The following ASIC5 variants were observed in gnomAD, a reference collection of about 807,000 sequenced individuals.
The protein encoded by ASIC5 is acid sensing ion channel subunit family member 5.
ASIC5 carries 52 observed loss-of-function variants against 51.2 expected under a neutral mutation model. The ratio of observed to expected loss-of-function variants is 1.02; its 90% CI spans 0.81 to 1.28. The LOEUF (loss-of-function observed/expected upper bound fraction) is 1.28. ASIC5 is among the 50% of genes most tolerant of loss of function. The pLI is 0.00. For missense variants in ASIC5, 635 were observed against 595.0 expected (o/e 1.07, Z -0.70); for synonymous variants, 231 against 200.7 (o/e 1.15, Z -1.28).
In ASIC5 at chr4:155,852,304, C is replaced by T. The variant is rs760718290; in HGVS notation, c.598G>A (p.Val200Ile). The T allele has an allele frequency of 6.3e-7, 1 of 1,588,258 alleles. No individual in the cohort carries two copies. The highest frequency in any genetic ancestry group is 1.2e-5 in the South Asian group (1 of 86,662). Residue 200 changes from valine (V) to isoleucine (I), a missense_variant, in exon 4 of 10, where the codon GTC becomes ATC. Physicochemically the swap from Val to Ile is conservative, Grantham distance 29 (BLOSUM62 3). Coordinates refer to ENST00000537611, the MANE Select transcript of ASIC5 (RefSeq NM_017419.3). ...KPCSPKDFAH[V>I]FTEYGNCFTF... is the part of the protein sequence containing the mutation. Reference sequence around the variant, plus strand: ...AAACAATTTCCATATTCAGTGAAGACATGTGCAAAATCCTCCAATATGTAA... The same window carrying T: ...AAACAATTTCCATATTCAGTGAAGATATGTGCAAAATCCTCCAATATGTAA...
intron 4 of ASIC5, among the ~76,000 whole-genome samples, chr4:155,846,605 A>T (rs1404732192): frequency 6.6e-6 from 1 of 152,098 alleles, no homozygotes; most frequent in Non-Finnish European, 1.5e-5. Context: ...GATGGAGTCA[A>T]TTAGGTCGTA....
intron 2 of ASIC5, among the ~76,000 whole-genome samples, chr4:155,858,097 C>T (rs1429865875): frequency 6.6e-6 from 1 of 151,966 alleles, no homozygotes; most frequent in Non-Finnish European, 1.5e-5. Context: ...GAAGTTTTTA[C>T]CAAATGAATA....
At chr4:155,844,554 A>G (rs10020343) in intron 4 of ASIC5, among the ~76,000 whole-genome samples, 10,932 of 151,772 alleles carry the variant, frequency 0.072, 1,025 homozygotes, top group African/African-American at 0.22. Flanking sequence ...AAATCATATA[A>G]TTTGTGTGAT....
chr4:155,842,347 T>G lies in ASIC5; in HGVS notation c.869A>C (p.His290Pro), dbSNP rs764348626. 1.2e-6 allele frequency: 2 copies of G among 1,612,198 alleles called. No homozygotes were observed. Among genetic ancestry groups the G allele is most frequent in the African/African-American group, 2.7e-5 (2 of 74,882 alleles). Residue 290 changes from histidine to proline, a missense_variant, in exon 6 of 10, where the codon CAT (histidine) becomes CCT (proline). Coordinates refer to ENST00000537611, the MANE Select transcript of ASIC5 (RefSeq NM_017419.3). ...GCATTCTCCCCAAGGGTATTCTTGA[T>G]GAACTGTCTTAAGATAAGATAAATA... ...RVTIRQVKTV[H>P]QEYPWGECNP... is the part of the protein sequence containing the mutation.
intron 5 of ASIC5, 149 bp from the exon 6 acceptor site, chr4:155,842,503 C>G: frequency 1.6e-6 from 1 of 627,788 alleles, no homozygotes; most frequent in South Asian, 2.5e-5. Context: ...ATTTTGCCTA[C>G]TCTATTGACC....
intron 2 of ASIC5, 55 bp from the exon 3 acceptor site, chr4:155,854,369 G>GATAATTAT: frequency 2.6e-6 from 3 of 1,150,264 alleles, no homozygotes; most frequent in Non-Finnish European, 3.9e-6. Flanking sequence ...TAATTATCTG[G>GATAATTAT]AAGACAGATA....
chr4:155,838,999 T>A (rs1741056960), intron 6 of ASIC5, 130 bp from the exon 7 acceptor site: 2 of 580,942 alleles, frequency 3.4e-6, no homozygotes, highest in South Asian at 2.4e-5. Context: ...TATATGAACA[T>A]CTATTCTTTC....
intron 2 of ASIC5, 86 bp from the exon 3 acceptor site, chr4:155,854,400 G>A: frequency 2.1e-6 from 2 of 973,206 alleles, no homozygotes; most frequent in Non-Finnish European, 3.1e-6. Flanking sequence ...GATTCTATTA[G>A]CTTCTTCTTA....
chr4:155,836,820 T>C lies in ASIC5; in HGVS notation c.1104A>G (p.Thr368=), dbSNP rs1740992886. The C allele has an allele frequency of 7.5e-6, 12 of 1,609,874 alleles. No individual in the cohort carries two copies. Among genetic ancestry groups the C allele is most frequent in the Non-Finnish European group, 1.0e-5 (12 of 1,176,676 alleles). Residue 368 remains threonine (T), a synonymous_variant, in exon 8 of 10, where the codon ACA becomes ACG. Coordinates refer to ENST00000537611, the MANE Select transcript of ASIC5 (RefSeq NM_017419.3). ...AAGAAACGGGGCAGCTAGAGTTATG[T>C]GTTCCTACTGTACATAAATCCTTAA... The part of the protein sequence containing the change: ...IEFKDLCTVG[T]HNSSCPVSCE...
chr4:155,832,463 T>C (rs1740890446), intron 8 of ASIC5, among the ~76,000 whole-genome samples: 1 of 152,202 alleles, frequency 6.6e-6, no homozygotes, highest in Non-Finnish European at 1.5e-5. Flanking sequence ...CTCTGTTTTC[T>C]TAATGTCTGT....
At chr4:155,849,921 C>CT (rs1450134735) in intron 4 of ASIC5, among the ~76,000 whole-genome samples, 7 of 151,740 alleles carry the variant, frequency 4.6e-5, no homozygotes, top group South Asian at 4.2e-4. Context: ...CAGTATTGTT[C>CT]TTTTTTTTGC....
intron 6 of ASIC5, 110 bp from the exon 7 acceptor site, chr4:155,838,979 C>T (rs1350733697): frequency 3.2e-6 from 2 of 615,678 alleles, no homozygotes; most frequent in African/African-American, 3.8e-5. Flanking sequence ...CATCCACCCA[C>T]CCATTCTTCT....
chr4:155,842,078 G>T, intron 6 of ASIC5, 129 bp downstream of exon 6: 1 of 884,722 alleles, frequency 1.1e-6, no homozygotes, highest in Non-Finnish European at 1.7e-6. Flanking sequence ...AGCAACATCT[G>T]TAATTACACT....
At position 155,864,312 on chromosome 4, in the gene ASIC5, T is replaced by C. The variant is rs186124929; in HGVS notation, c.41-558A>G. Among the ~76,000 whole-genome samples the C allele has an allele frequency of 2.0e-5, 3 of 152,192 alleles. No individual in the cohort carries two copies. In the East Asian group the frequency reaches 5.8e-4, roughly 29 times the overall value. On this transcript the variant is annotated intron_variant, in intron 1 of 9. Transcript: ENST00000537611. ...TTTAGTCAGAATGTTCAGTGTTCAGTTGTAGTATTAGTTAAGTAATCTATT... is the reference window on the plus strand; with the variant it reads ...TTTAGTCAGAATGTTCAGTGTTCAGCTGTAGTATTAGTTAAGTAATCTATT...
rs577085843 is a variant in ASIC5 at position 155,836,700 on chromosome 4, C to G, written c.1224G>C (p.Arg408=). ...KYLSKKLNQS[R]KYIRENLVKI... ...GCTAGTAAGGTTACCTGATGTATTT[C>G]CGGCTTTGATTCAACTTCTTGGAAA... Residue 408 remains arginine, a synonymous_variant, in exon 8 of 10, where the codon CGG becomes CGC. Transcript: ENST00000537611. The G allele has an allele frequency of 2.7e-5, 43 of 1,606,486 alleles. No individual in the cohort carries two copies. The East Asian group carries it at 9.2e-4, about 34-fold the overall frequency.
intron 8 of ASIC5, among the ~76,000 whole-genome samples, chr4:155,834,673 C>A (rs541270636): frequency 1.3e-5 from 2 of 152,188 alleles, no homozygotes; most frequent in South Asian, 2.1e-4. Flanking sequence ...AAAGGCCCAC[C>A]CTCAGACCTG....
intron 1 of ASIC5, chr4:155,865,202 AT>A (rs1402280958): frequency 1.3e-5 from 2 of 152,016 alleles, no homozygotes; most frequent in Admixed American, 6.6e-5. Flanking sequence ...GATAGCTTGT[AT>A]TAATATGATT....
intron 4 of ASIC5, among the ~76,000 whole-genome samples, chr4:155,844,923 A>G (rs1741204830): frequency 6.6e-6 from 1 of 152,056 alleles, no homozygotes; most frequent in Non-Finnish European, 1.5e-5. Context: ...TGTGCCAGGT[A>G]GCTGCAACAC....
At position 155,853,974 on chromosome 4, in the gene ASIC5, G is replaced by A; in HGVS notation, c.585+103C>T. The stretch of plus-strand genomic sequence containing the variant: ...GAAATAGAATCTGTAAGCAAATTTG[G>A]ATTGATTCACCATGGGAGTAAATGC... On this transcript the variant is annotated intron_variant, in intron 3 of 9. Transcript: ENST00000537611. 5.8e-6 allele frequency: 5 copies of A among 857,840 alleles called. No homozygotes were observed. The South Asian group carries it at 8.3e-5, about 14-fold the overall frequency. 53.1% of individuals were successfully genotyped at this position (857,840 alleles called of 1,614,324 possible).
Sources: allele counts gnomAD v4.1 joint callset (sites outside exome capture counted in the v4.1 genomes callset), GRCh38; gene constraint gnomAD v4.1.1; transcripts MANE v1.5; gene names NCBI Gene and HGNC (gene_info 2026-07-23, HGNC 2026-07-21).